The following PKIG variants were observed in gnomAD, a reference collection of about 807,000 sequenced individuals.
PKIG encodes protein kinase (cAMP-dependent, catalytic) inhibitor gamma.
PKIG carries 1 observed loss-of-function variant against 6.8 expected under a neutral mutation model. The observed-to-expected ratio is 0.15, with a 90% CI of 0.05 to 0.69. The LOEUF (loss-of-function observed/expected upper bound fraction) is 0.69, where lower values mean the gene tolerates loss of function less well. PKIG is among the 30% of genes least tolerant of loss of function. The probability of loss-of-function intolerance (pLI) is 0.82; values close to 1 mark genes in which losing one functional copy is unlikely to be tolerated. For missense variants in PKIG, 77 were observed against 104.0 expected, an observed-to-expected ratio of 0.74 and a Z score of 1.13; for synonymous variants, 39 against 43.0, an observed-to-expected ratio of 0.91 and a Z score of 0.36.
intron 1 of PKIG, among the ~76,000 whole-genome samples, chr20:44,587,164 C>A (rs964638822): frequency 1.3e-5 from 2 of 152,190 alleles, no homozygotes; most frequent in African/African-American, 2.4e-5. Flanking sequence ...TTGTGGAATT[C>A]TCTGTGCAAC....
intron 1 of PKIG, among the ~76,000 whole-genome samples, chr20:44,563,421 CACA>C (rs1162854877): frequency 6.6e-6 from 1 of 151,918 alleles, no homozygotes; most frequent in East Asian, 1.9e-4. Context: ...TTGGACTGGG[CACA>C]ACAAGGATGG....
chr20:44,566,285 A>G (rs767813241), intron 1 of PKIG, among the ~76,000 whole-genome samples: 5 of 152,234 alleles, frequency 3.3e-5, no homozygotes, highest in Admixed American at 3.3e-4. Flanking sequence ...TAGTTACCAC[A>G]GAGACCACAA....
chr20:44,550,186 C>T (rs2123189837), intron 1 of PKIG, among the ~76,000 whole-genome samples: 1 of 149,298 alleles, frequency 6.7e-6, no homozygotes, highest in East Asian at 2.0e-4. Flanking sequence ...AATTCTCACA[C>T]AAGCGTTGTT....
intron 1 of PKIG, among the ~76,000 whole-genome samples, chr20:44,554,063 A>G (rs1047204916): frequency 2.0e-5 from 3 of 150,874 alleles, no homozygotes; most frequent in Non-Finnish European, 4.4e-5. Context: ...CCAGTTTATT[A>G]ATTTAAAAAA....
intron 1 of PKIG, among the ~76,000 whole-genome samples, chr20:44,571,717 A>T (rs1417475716): frequency 2.6e-5 from 4 of 152,216 alleles, no homozygotes; most frequent in Non-Finnish European, 5.9e-5. Context: ...TTTCCAAACA[A>T]ATTCATTGTT....
Position 44,618,577 on chromosome 20 carries a change from C to T in PKIG, c.*213C>T, listed in dbSNP as rs995284025. The T allele has an allele frequency of 9.7e-6, 5 of 516,128 alleles. No individual in the cohort carries two copies. In the Admixed American group the frequency reaches 1.3e-4, roughly 13 times the overall value. 32.0% of individuals were successfully genotyped at this position (516,128 alleles called of 1,614,324 possible). A position where few individuals can be genotyped will look rare whatever the true frequency, so the allele number is the denominator to read the frequency against. Reference sequence around the variant, plus strand: ...CTTCACATTCCCACCACCTTCGCACCGTGCCCAGGTACACTTTCAAGACAC... The same window carrying T: ...CTTCACATTCCCACCACCTTCGCACTGTGCCCAGGTACACTTTCAAGACAC... On this transcript the variant is annotated 3_prime_UTR_variant, in exon 4 of 4. Coordinates refer to ENST00000372886, the MANE Select transcript of PKIG (RefSeq NM_001281445.2).
At chr20:44,545,911 G>T (rs1396881909) in intron 1 of PKIG, among the ~76,000 whole-genome samples, 2 of 152,028 alleles carry the variant, frequency 1.3e-5, no homozygotes, top group Non-Finnish European at 2.9e-5. Context: ...TACATCATGA[G>T]TGTAGTTCAT....
Position 44,618,354 on chromosome 20 carries a change from C to T in PKIG, c.221C>T (p.Thr74Ile), listed in dbSNP as rs753327817. The T allele has an allele frequency of 3.7e-6, 6 of 1,610,614 alleles. No homozygotes were observed. The East Asian group carries it at 1.1e-4, about 30-fold the overall frequency. ...GNQPQSSDGT[T>I]SS Reference sequence around the variant, plus strand: ...CAGCCCCAGAGCAGCGATGGGACCACCTCGTCTTGAATCTGACCTTGTCCA... The same window carrying T: ...CAGCCCCAGAGCAGCGATGGGACCATCTCGTCTTGAATCTGACCTTGTCCA... Residue 74 changes from threonine to isoleucine, a missense_variant, in exon 4 of 4, where the codon ACC becomes ATC. Physicochemically the swap from Thr to Ile is moderately conservative, Grantham distance 89. Transcript: ENST00000372886.
chr20:44,601,014 G>A (rs562173837), intron 2 of PKIG, among the ~76,000 whole-genome samples: 51 of 152,236 alleles, frequency 3.4e-4, no homozygotes, highest in African/African-American at 1.2e-3. Context: ...AGAGACTGGC[G>A]TCCTAACACA....
chr20:44,558,752 C>T (rs1230633064), intron 1 of PKIG, among the ~76,000 whole-genome samples: 7 of 144,776 alleles, frequency 4.8e-5, no homozygotes, highest in Non-Finnish European at 9.1e-5. Flanking sequence ...CCTTTCTTTT[C>T]ATTTTCTTTC....
At chr20:44,532,000 G>C (rs1420947616) in intron 1 of PKIG, 1 of 152,204 alleles carries the variant, frequency 6.6e-6, no homozygotes, top group African/African-American at 2.4e-5. Flanking sequence ...CCGGGCGGCC[G>C]GTTGCGGCCC....
intron 2 of PKIG, among the ~76,000 whole-genome samples, chr20:44,613,090 C>T (rs537532228): frequency 7.6e-4 from 116 of 152,330 alleles, no homozygotes; most frequent in African/African-American, 2.7e-3. Context: ...ATGTGGCACT[C>T]TTCTCTCCTT....
At chr20:44,605,140 T>A (rs1192574871) in intron 2 of PKIG, among the ~76,000 whole-genome samples, 1 of 152,136 alleles carries the variant, frequency 6.6e-6, no homozygotes, top group African/African-American at 2.4e-5. Flanking sequence ...GTGCGGTGGC[T>A]CACGCCTGTA....
At chr20:44,568,339 A>G (rs1235747334) in intron 1 of PKIG, among the ~76,000 whole-genome samples, 1 of 152,166 alleles carries the variant, frequency 6.6e-6, no homozygotes, top group Non-Finnish European at 1.5e-5. Flanking sequence ...CCAATAAGAA[A>G]ATAAAAATTA....
chr20:44,541,534 C>T (rs974942208), intron 1 of PKIG, among the ~76,000 whole-genome samples: 1 of 151,982 alleles, frequency 6.6e-6, no homozygotes, highest in Non-Finnish European at 1.5e-5. Context: ...AATATTTGTA[C>T]CAAAACTTAA....
At chr20:44,605,780 C>T (rs1373443185) in intron 2 of PKIG, among the ~76,000 whole-genome samples, 1 of 151,930 alleles carries the variant, frequency 6.6e-6, no homozygotes, top group Non-Finnish European at 1.5e-5. Context: ...GGCACATTAG[C>T]ATGCACCTGT....
intron 1 of PKIG, among the ~76,000 whole-genome samples, chr20:44,544,366 G>T (rs1264953155): frequency 6.6e-6 from 1 of 152,148 alleles, no homozygotes; most frequent in Non-Finnish European, 1.5e-5. Flanking sequence ...AAGAGGAATT[G>T]TGTTGGCTGC....
intron 1 of PKIG, among the ~76,000 whole-genome samples, chr20:44,547,878 G>T (rs562249758): frequency 2.0e-5 from 3 of 152,024 alleles, no homozygotes; most frequent in South Asian, 4.2e-4. Context: ...GGAGAACCCT[G>T]TTCTCCATTA....
Position 44,546,067 on chromosome 20 carries a change from C to A in PKIG, c.-241+14089C>A, listed in dbSNP as rs1273195316. On this transcript the variant is annotated intron_variant, in intron 1 of 4. Transcript: ENST00000372887. The stretch of plus-strand genomic sequence containing the variant: ...GTTCGAGACACAAGCCTGGGAAATA[C>A]AGCAAAACCCTGTCTCTACAAAAAA... 2.0e-5 allele frequency among the ~76,000 whole-genome samples: 3 copies of A among 152,148 alleles called. 1 individual carries two copies. In the South Asian group the frequency reaches 6.2e-4, roughly 32 times the overall value.
Sources: gnomAD v4.1 joint callset for allele counts (sites outside exome capture counted in the v4.1 genomes callset) on GRCh38, gnomAD v4.1.1 for gene constraint, MANE v1.5 for transcripts, NCBI Gene and HGNC (gene_info 2026-07-23, HGNC 2026-07-21) for gene names.